PGBD1: variants seen among roughly 807,000 people sequenced by gnomAD.
PGBD1 encodes the protein piggyBac transposable element derived 1.
In PGBD1, 25 loss-of-function variants were observed where a neutral mutation model predicts 34.7. The observed-to-expected ratio is 0.72, with a 90% CI of 0.52 to 1.00. PGBD1 has a LOEUF of 1.00. Among genes scored for constraint, PGBD1 ranks in the 50% least tolerant of loss-of-function variants. PGBD1 has a pLI of 0.00. For missense variants in PGBD1, 830 were observed against 959.4 expected (o/e 0.87, Z 1.78); for synonymous variants, 292 against 335.7 (o/e 0.87, Z 1.42).
chr6:28,301,387 C>T lies in PGBD1; in HGVS notation c.1533C>T (p.Gly511=), dbSNP rs373230517. ...CAAACCTGCACTTTGCAGATAATGGCCACCTAGATCAAAAAGATAAGTTTA... is the reference window on the plus strand; with the variant it reads ...CAAACCTGCACTTTGCAGATAATGGTCACCTAGATCAAAAAGATAAGTTTA... ...IFSNLHFADN[G]HLDQKDKFTK... is the part of the protein sequence containing the mutation. The change falls in exon 7 of 7, where the codon GGC becomes GGT. Residue 511 remains glycine, a synonymous_variant. Transcript: ENST00000682144. 8.7e-6 allele frequency: 14 copies of T among 1,613,870 alleles called. No individual in the cohort carries two copies. The highest frequency in any genetic ancestry group is 1.3e-5 in the African/African-American group (1 of 74,894).
In PGBD1 at chr6:28,283,868, G is replaced by A. The variant is rs1470086077; in HGVS notation, c.55G>A (p.Val19Met). ...APENEDGLVK[V>M]KEEDPTWEQV... is the part of the protein sequence containing the mutation. The stretch of plus-strand genomic sequence containing the variant: ...TGAAAATGAAGATGGCCTTGTGAAA[G>A]TGAAGGAGGAAGATCCCACCTGGGA... Residue 19 changes from valine (V) to methionine (M), a missense_variant, in exon 2 of 7, where the codon GTG becomes ATG. Around this residue, in one of 3 missense-constraint regions of PGBD1, gnomAD observed 457 missense variants for 515.4 expected, o/e 0.89. Coordinates refer to ENST00000682144, the MANE Select transcript of PGBD1 (RefSeq NM_032507.4). 2 of 1,611,738 alleles carry A rather than the reference G, an allele frequency of 1.2e-6. No homozygotes were observed. Among genetic ancestry groups the A allele is most frequent in the Admixed American group, 3.3e-5 (2 of 59,982 alleles).
rs1337128118 is a variant in PGBD1 at position 28,301,463 on chromosome 6, G to A, written c.1609G>A (p.Ala537Thr). 6.2e-7 allele frequency: 1 copy of A among 1,613,838 alleles called. No individual in the cohort carries two copies. Among genetic ancestry groups the A allele is most frequent in the Non-Finnish European group, 8.5e-7 (1 of 1,179,908 alleles). ...KQMNKNFLLY[A>T]PLEEYYCFDK... ...AATGAATAAAAATTTCCTCTTGTAT[G>A]CTCCCCTGGAAGAATACTATTGCTT... The change falls in exon 7 of 7, where the codon GCT becomes ACT. Residue 537 changes from alanine (A) to threonine (T), a missense_variant. Physicochemically the swap from Ala to Thr is moderately conservative, Grantham distance 58 (BLOSUM62 0). Coordinates refer to ENST00000682144, the MANE Select transcript of PGBD1 (RefSeq NM_032507.4).
At chr6:28,295,909 G>A (rs940203580) in intron 4 of PGBD1, among the ~76,000 whole-genome samples, 1 of 152,144 alleles carries the variant, frequency 6.6e-6, no homozygotes, top group Admixed American at 6.5e-5. Flanking sequence ...GTGATGATGA[G>A]TTAAAGAGAA....
At chr6:28,293,061 G>A (rs935761430) in intron 4 of PGBD1, among the ~76,000 whole-genome samples, 11 of 152,146 alleles carry the variant, frequency 7.2e-5, no homozygotes, top group Admixed American at 7.2e-4. Flanking sequence ...TCCTGCCTCA[G>A]CCTCCCGAGT....
chr6:28,296,064 G>C (rs1054951078), intron 4 of PGBD1, among the ~76,000 whole-genome samples: 1 of 152,188 alleles, frequency 6.6e-6, no homozygotes, highest in African/African-American at 2.4e-5. Context: ...AAACCATGTG[G>C]TAGCCTTTTG....
intron 4 of PGBD1, among the ~76,000 whole-genome samples, chr6:28,295,222 C>G (rs934131672): frequency 1.3e-5 from 2 of 152,180 alleles, no homozygotes; most frequent in African/African-American, 4.8e-5. Flanking sequence ...CATGACAAAA[C>G]TTGAACAGAT....
chr6:28,298,624 T>A (rs956778500), intron 6 of PGBD1, among the ~76,000 whole-genome samples: 3 of 152,092 alleles, frequency 2.0e-5, no homozygotes, highest in Admixed American at 6.5e-5. Context: ...TCAACCGCCA[T>A]TGGGAGACCT....
chr6:28,301,842 T>C lies in PGBD1; in HGVS notation c.1988T>C (p.Val663Ala). 1 of 1,614,068 alleles carries C rather than the reference T, an allele frequency of 6.2e-7. No individual in the cohort carries two copies. The highest frequency in any genetic ancestry group is 8.5e-7 in the Non-Finnish European group (1 of 1,180,008). The change falls in exon 7 of 7, where the codon GTA (valine) becomes GCA (alanine). Residue 663 changes from valine (V) to alanine (A), a missense_variant. Around this residue, in one of 3 missense-constraint regions of PGBD1, gnomAD observed 372 missense variants for 427.9 expected, o/e 0.87. Coordinates refer to ENST00000682144, the MANE Select transcript of PGBD1 (RefSeq NM_032507.4). The part of the protein sequence containing the change: ...NRTEKCPLMN[V>A]EHMKKMKRGY... Reference sequence around the variant, plus strand: ...ACCGAAAAATGTCCCCTTATGAATGTAGAACATATGAAAAAAATGAAGAGA... The same window carrying C: ...ACCGAAAAATGTCCCCTTATGAATGCAGAACATATGAAAAAAATGAAGAGA...
At chr6:28,285,528 C>G in intron 2 of PGBD1, 23 bp from the exon 3 acceptor site, 1 of 1,610,866 alleles carries the variant, frequency 6.2e-7, no homozygotes, top group Non-Finnish European at 8.5e-7. Context: ...CATGCCCTTT[C>G]AAAATAAATC....
At position 28,301,716 on chromosome 6, in the gene PGBD1, C is replaced by T; in HGVS notation, c.1862C>T (p.Pro621Leu). Residue 621 changes from proline (P) to leucine (L), a missense_variant, in exon 7 of 7, where the codon CCC becomes CTC. Pro to Leu is a moderately conservative substitution (Grantham distance 98). This residue lies in a region of PGBD1 where 372 missense variants were observed against 427.9 expected (regional missense o/e 0.87). Transcript: ENST00000682144. Reference protein sequence around the residue: ...ADVLLERGQYPYHLCFDSFFT... With the variant: ...ADVLLERGQYLYHLCFDSFFT... ...GTTCTTTTAGAGAGAGGTCAGTATC[C>T]CTATCACCTGTGTTTTGATAGCTTC... The T allele has an allele frequency of 6.2e-7, 1 of 1,613,898 alleles. No individual in the cohort carries two copies. The highest frequency in any genetic ancestry group is 8.5e-7 in the Non-Finnish European group (1 of 1,179,976).
intron 4 of PGBD1, among the ~76,000 whole-genome samples, chr6:28,295,154 G>A (rs1328923325): frequency 2.0e-5 from 3 of 152,184 alleles, no homozygotes; most frequent in African/African-American, 7.2e-5. Flanking sequence ...TGCAGATGTG[G>A]TGGAAAGGAC....
intron 4 of PGBD1, among the ~76,000 whole-genome samples, chr6:28,292,666 C>G (rs11758337): frequency 0.19 from 28,782 of 151,158 alleles, 3,188 homozygotes; most frequent in African/African-American, 0.3. Flanking sequence ...ACATTCTTCA[C>G]AAAAATCAGA....
At position 28,287,199 on chromosome 6, in the gene PGBD1, T is replaced by A. The variant is rs529540202; in HGVS notation, c.642+31T>A. On this transcript the variant is annotated intron_variant, in intron 4 of 6. Coordinates refer to ENST00000682144, the MANE Select transcript of PGBD1 (RefSeq NM_032507.4). ...TAGGATGCCCAAGCTTGTAGGAATA[T>A]CAGTAGTGGTCTTTCTCCCTCATTC... 1.2e-5 allele frequency: 19 copies of A among 1,523,210 alleles called. No homozygotes were observed. The African/African-American group carries it at 1.6e-4, about 13-fold the overall frequency. 94.4% of individuals were successfully genotyped at this position (1,523,210 alleles called of 1,614,324 possible).
At position 28,284,130 on chromosome 6, in the gene PGBD1, CAT is replaced by C; in HGVS notation, c.320_321del (p.Tyr107SerfsTer64). 1 of 1,613,260 alleles carries C rather than the reference CAT, an allele frequency of 6.2e-7. No homozygotes were observed. The highest frequency in any genetic ancestry group is 1.7e-4 in the Middle Eastern group (1 of 6,056). On this transcript the variant is annotated frameshift_variant, in exon 2 of 7. Transcript: ENST00000682144. LOFTEE classifies it high-confidence loss of function. ...AAGGAGCTCCAGCCCTGTGTGAAGA[CAT>C]ATCCTCTGGAGAGTGGAGAGGAGGC...
At chr6:28,283,089 A>C (rs1490807042) in intron 1 of PGBD1, among the ~76,000 whole-genome samples, 1 of 152,358 alleles carries the variant, frequency 6.6e-6, no homozygotes, top group South Asian at 2.1e-4. Context: ...TTATTTGAGC[A>C]CTAGGCCTGG....
In PGBD1 at chr6:28,284,148, G is replaced by C; in HGVS notation, c.335G>C (p.Gly112Ala). ...GTGAAGACATATCCTCTGGAGAGTG[G>C]AGAGGAGGCAGTGACAGTGCTGGAG... is the stretch of plus-strand genomic sequence containing the variant. ...PCVKTYPLES[G>A]EEAVTVLENL... Residue 112 changes from glycine to alanine, a missense_variant, in exon 2 of 7, where the codon GGA becomes GCA. This residue lies in a region of PGBD1 where 457 missense variants were observed against 515.4 expected (regional missense o/e 0.89). Coordinates refer to ENST00000682144, the MANE Select transcript of PGBD1 (RefSeq NM_032507.4). 1 of 1,605,584 alleles carries C rather than the reference G, an allele frequency of 6.2e-7. No individual in the cohort carries two copies. Among genetic ancestry groups the C allele is most frequent in the Non-Finnish European group, 8.5e-7 (1 of 1,175,026 alleles).
chr6:28,301,555 C>T lies in PGBD1; in HGVS notation c.1701C>T (p.Gly567=), dbSNP rs1314424169. 6.2e-7 allele frequency: 1 copy of T among 1,614,122 alleles called. No individual in the cohort carries two copies. Among genetic ancestry groups the T allele is most frequent in the Non-Finnish European group, 8.5e-7 (1 of 1,180,022 alleles). ...TGAATGGAAAGCCTATTAGAATTGGCTATAAAATTTGGTGTGGTACAACCA... is the reference window on the plus strand; with the variant it reads ...TGAATGGAAAGCCTATTAGAATTGGTTATAAAATTTGGTGTGGTACAACCA... ...QFLNGKPIRI[G]YKIWCGTTTQ... Residue 567 remains glycine, a synonymous_variant, in exon 7 of 7, where the codon GGC becomes GGT. Transcript: ENST00000682144.
chr6:28,286,025 T>C (rs1216205505), intron 3 of PGBD1, among the ~76,000 whole-genome samples: 4 of 152,232 alleles, frequency 2.6e-5, no homozygotes, highest in Non-Finnish European at 5.9e-5. Context: ...ACCCTGTATC[T>C]GAACAAACTT....
intron 6 of PGBD1, among the ~76,000 whole-genome samples, chr6:28,299,324 A>G (rs1322002966): frequency 6.9e-6 from 1 of 144,004 alleles, no homozygotes; most frequent in African/African-American, 2.6e-5. Flanking sequence ...CCCTCCTTCT[A>G]GTCCCCCTCC....
Sources: allele counts gnomAD v4.1 joint callset (sites outside exome capture counted in the v4.1 genomes callset), GRCh38; gene constraint gnomAD v4.1.1; regional missense constraint gnomAD v4.1.1; transcripts MANE v1.5; gene names NCBI Gene and HGNC (gene_info 2026-07-23, HGNC 2026-07-21).